TRIM5: variants seen among roughly 807,000 people sequenced by gnomAD.
TRIM5 encodes the protein tripartite motif-containing protein 5.
In TRIM5, 31 loss-of-function variants were observed where a neutral mutation model predicts 35.6. The observed-to-expected ratio is 0.87, with a 90% confidence interval of 0.65 to 1.18. The LOEUF (loss-of-function observed/expected upper bound fraction) is 1.18, where lower values mean the gene tolerates loss of function less well. TRIM5 is among the 50% of genes most tolerant of loss of function. The pLI is 0.00. For synonymous variants in TRIM5, 243 were observed against 215.6 expected, an observed-to-expected ratio of 1.13 and a Z score of -1.11; for missense variants, 609 against 591.6, an observed-to-expected ratio of 1.03 and a Z score of -0.31.
the TRIM5 span, among the ~76,000 whole-genome samples, chr11:5,656,209 G>A: frequency 1.3e-5 from 2 of 151,662 alleles, no homozygotes; most frequent in Admixed American, 1.3e-4. Context: ...TCATCAGAGT[G>A]AACAGGCAAC....
chr11:5,628,710 T>TA, the TRIM5 span, among the ~76,000 whole-genome samples: 1 of 152,172 alleles, frequency 6.6e-6, no homozygotes, highest in African/African-American at 2.4e-5. Flanking sequence ...AGCACTGTTG[T>TA]AACCAATTAT....
At chr11:5,651,446 T>C in the TRIM5 span, among the ~76,000 whole-genome samples, 1 of 152,338 alleles carries the variant, frequency 6.6e-6, no homozygotes, top group East Asian at 1.9e-4. Flanking sequence ...CCCTTCTTTG[T>C]ATCTATATCT....
chr11:5,681,530 G>A (rs975615896), intron 1 of TRIM5, among the ~76,000 whole-genome samples: 5 of 152,110 alleles, frequency 3.3e-5, no homozygotes, highest in African/African-American at 9.7e-5. Flanking sequence ...AGATGGGTCC[G>A]GGTGCTGGGG....
At chr11:5,605,193 G>A in the TRIM5 span, 2 of 1,093,394 alleles carry the variant, frequency 1.8e-6, no homozygotes, top group Non-Finnish European at 2.7e-6. Context: ...AGGCTACAAA[G>A]GCTTTCTCCT....
the TRIM5 span, chr11:5,642,735 G>C: frequency 6.3e-7 from 1 of 1,576,628 alleles, no homozygotes; most frequent in Non-Finnish European, 8.6e-7. Flanking sequence ...CCCTTCCCCT[G>C]TCCCTACTCT....
At chr11:5,598,346 C>A in the TRIM5 span, among the ~76,000 whole-genome samples, 2 of 152,084 alleles carry the variant, frequency 1.3e-5, no homozygotes, top group South Asian at 2.1e-4. Context: ...TGACAAGAGA[C>A]CTCAACTCTT....
chr11:5,623,132 AG>A, the TRIM5 span, among the ~76,000 whole-genome samples: 1 of 75,280 alleles, frequency 1.3e-5, no homozygotes, highest in East Asian at 3.9e-4. Context: ...TTTTTATCTT[AG>A]TAGCTGTCTT....
At chr11:5,620,167 CTTTTTTTTTTTTTTT>C in the TRIM5 span, 3 of 72,772 alleles carry the variant, frequency 4.1e-5, no homozygotes, top group African/African-American at 1.7e-4. Flanking sequence ...TTTCTTTCTT[CTTTTTTTTTTTTTTT>C]TTTTTTTTTT....
the TRIM5 span, among the ~76,000 whole-genome samples, chr11:5,651,012 T>G: frequency 6.6e-6 from 1 of 152,158 alleles, no homozygotes; most frequent in African/African-American, 2.4e-5. Flanking sequence ...ATTATCTTAT[T>G]CCAGCTTCCA....
chr11:5,658,576 T>C (rs1850708127), downstream of TRIM5, among the ~76,000 whole-genome samples: 1 of 152,206 alleles, frequency 6.6e-6, no homozygotes, highest in Non-Finnish European at 1.5e-5. Context: ...TTTCTAAGTG[T>C]CTATTACCCT....
intron 4 of TRIM5, among the ~76,000 whole-genome samples, chr11:5,677,727 C>A (rs56676122): frequency 0.013 from 1,991 of 152,074 alleles, 20 homozygotes; most frequent in Middle Eastern, 0.02. Context: ...CCGCGCCCAG[C>A]CTTTACTAGT....
At chr11:5,679,549 C>T (rs761943343) in intron 2 of TRIM5, among the ~76,000 whole-genome samples, 5 of 151,998 alleles carry the variant, frequency 3.3e-5, no homozygotes, top group Non-Finnish European at 7.4e-5. Context: ...TATTTACTCC[C>T]GGCCAGGAAT....
the TRIM5 span, among the ~76,000 whole-genome samples, chr11:5,631,932 A>G: frequency 6.6e-6 from 1 of 152,198 alleles, no homozygotes; most frequent in Non-Finnish European, 1.5e-5. Flanking sequence ...TGTACACTGA[A>G]TGATGAGTTT....
chr11:5,674,007 A>G (rs903410605), intron 4 of TRIM5, among the ~76,000 whole-genome samples: 1 of 152,150 alleles, frequency 6.6e-6, no homozygotes, highest in Non-Finnish European at 1.5e-5. Context: ...AAAAAACTCA[A>G]CGAAAAAGAT....
the TRIM5 span, among the ~76,000 whole-genome samples, chr11:5,652,642 T>C: frequency 5.6e-4 from 86 of 152,290 alleles, no homozygotes; most frequent in African/African-American, 2.0e-3. Flanking sequence ...TCCTTGGCTA[T>C]TTGGGTTCCT....
At chr11:5,588,689 T>A in the TRIM5 span, among the ~76,000 whole-genome samples, 1 of 151,344 alleles carries the variant, frequency 6.6e-6, no homozygotes, top group African/African-American at 2.4e-5. Context: ...CTTGTTTACA[T>A]GTCTATGTTG....
chr11:5,683,982 T>G (rs1024394566), intron 1 of TRIM5: 1 of 153,598 alleles, frequency 6.5e-6, no homozygotes, highest in African/African-American at 2.4e-5. Context: ...GCTGTAACAC[T>G]CACCGCGAAG....
chr11:5,661,929 G>A (rs779721380), downstream of TRIM5, among the ~76,000 whole-genome samples: 14 of 152,178 alleles, frequency 9.2e-5, no homozygotes, highest in Admixed American at 3.3e-4. Context: ...CTGAGCTGTG[G>A]GACTTGGCTT....
At chr11:5,622,639 A>AAAT in the TRIM5 span, among the ~76,000 whole-genome samples, 3 of 19,758 alleles carry the variant, frequency 1.5e-4, no homozygotes, top group Admixed American at 6.7e-4. Flanking sequence ...ACAAACAAAT[A>AAAT]AAAAAAACCG....
Sources: gnomAD v4.1 joint callset for allele counts (sites outside exome capture counted in the v4.1 genomes callset) on GRCh38, gnomAD v4.1.1 for gene constraint, MANE v1.5 for transcripts, NCBI Gene and HGNC (gene_info 2026-07-23, HGNC 2026-07-21) for gene names.